SCN11A: variants seen among roughly 807,000 people sequenced by gnomAD.
SCN11A encodes sodium voltage-gated channel alpha subunit 11.
A neutral mutation model predicts 162.2 loss-of-function variants in SCN11A; 122 were observed. The observed-to-expected ratio is 0.75, with a 90% CI of 0.65 to 0.87. SCN11A has a LOEUF of 0.87. Ranked by LOEUF, SCN11A falls within the 40% of genes least tolerant of loss-of-function variation. The probability of loss-of-function intolerance (pLI) is 0.00; values close to 1 mark genes in which losing one functional copy is unlikely to be tolerated. For missense variants in SCN11A, 2,015 were observed against 2,181.6 expected (o/e 0.92, Z 1.52); for synonymous variants, 758 against 751.5 (o/e 1.01, Z -0.14).
At chr3:38,977,189 G>A (rs971404899) in intron 2 of SCN11A, among the ~76,000 whole-genome samples, 1 of 152,186 alleles carries the variant, frequency 6.6e-6, no homozygotes, top group Non-Finnish European at 1.5e-5. Flanking sequence ...AGGAGAAAGA[G>A]TGGGTTTCCA....
chr3:38,981,708 A>G (rs1312066295), intron 2 of SCN11A, among the ~76,000 whole-genome samples: 2 of 152,116 alleles, frequency 1.3e-5, no homozygotes, highest in African/African-American at 4.8e-5. Context: ...TTCCAGTTCA[A>G]AAAACATAAG....
At chr3:38,930,724 G>A (rs2066227086) in intron 7 of SCN11A, among the ~76,000 whole-genome samples, 1 of 152,164 alleles carries the variant, frequency 6.6e-6, no homozygotes, top group South Asian at 2.1e-4. Context: ...CTGATGTGGA[G>A]TAAAACCATG....
chr3:39,035,350 G>A (rs1414391167), intron 1 of SCN11A, among the ~76,000 whole-genome samples: 1 of 152,164 alleles, frequency 6.6e-6, no homozygotes, highest in Non-Finnish European at 1.5e-5. Flanking sequence ...CTGGGGAAAG[G>A]ACAGTCTCTT....
At chr3:38,937,545 A>AT (rs2066356080) in intron 7 of SCN11A, among the ~76,000 whole-genome samples, 2 of 151,788 alleles carry the variant, frequency 1.3e-5, no homozygotes, top group Admixed American at 1.3e-4. Flanking sequence ...AAACAACCCC[A>AT]TCAAAAAGTG....
chr3:38,864,262 GT>G (rs896567041), intron 27 of SCN11A, among the ~76,000 whole-genome samples: 11 of 152,130 alleles, frequency 7.2e-5, no homozygotes, highest in Non-Finnish European at 1.2e-4. Flanking sequence ...TTTGATGAGG[GT>G]TTGGGGTTTG....
chr3:38,999,140 C>A (rs1160772522), intron 2 of SCN11A, among the ~76,000 whole-genome samples: 1 of 152,034 alleles, frequency 6.6e-6, no homozygotes, highest in Non-Finnish European at 1.5e-5. Flanking sequence ...AAATGGGAAG[C>A]AACATTTTAC....
rs2032396113 is a variant in SCN11A at position 39,051,870 on chromosome 3, T to C, written c.-413A>G. The C allele has an allele frequency of 4.8e-6, 4 of 839,274 alleles. No individual in the cohort carries two copies. The highest frequency in any genetic ancestry group is 4.6e-5 in the Admixed American group (2 of 43,086). 52.0% of individuals were successfully genotyped at this position (839,274 alleles called of 1,614,324 possible). A position where few individuals can be genotyped will look rare whatever the true frequency, so the allele number is the denominator to read the frequency against. On this transcript the variant is annotated 5_prime_UTR_variant, in exon 1 of 30. An upstream start codon of the reference 5' UTR is lost. Transcript: ENST00000302328. The stretch of plus-strand genomic sequence containing the variant: ...TTTTAGGTGCATCTACCTCATCACA[T>C]GGCTACCGGCCACACAGCAACTAAC...
intron 22 of SCN11A, 59 bp from the exon 23 acceptor site, chr3:38,880,182 A>G (rs113641774): frequency 7.7e-7 from 1 of 1,290,468 alleles, no homozygotes; most frequent in Non-Finnish European, 1.1e-6. Flanking sequence ...ACTCCTTGGT[A>G]ACTTTACTTT....
In SCN11A at chr3:38,862,344, T is replaced by A. The variant is rs568375113; in HGVS notation, c.4056+851A>T. Reference sequence around the variant, plus strand: ...AACCAGTATGGAAATTCCTTAAAGATCCAAAAGTAGAACTACTATTGGATT... The same window carrying A: ...AACCAGTATGGAAATTCCTTAAAGAACCAAAAGTAGAACTACTATTGGATT... On this transcript the variant is annotated intron_variant, in intron 28 of 29. Coordinates refer to ENST00000302328, the MANE Select transcript of SCN11A (RefSeq NM_001349253.2). 8.5e-5 allele frequency among the ~76,000 whole-genome samples: 13 copies of A among 152,098 alleles called. 1 individual carries two copies. The South Asian group carries it at 2.7e-3, about 32-fold the overall frequency.
chr3:38,994,192 T>C (rs2030539397), intron 2 of SCN11A, among the ~76,000 whole-genome samples: 1 of 152,246 alleles, frequency 6.6e-6, no homozygotes. Flanking sequence ...CTCAGTGATA[T>C]ACTTTGATTG....
intron 2 of SCN11A, among the ~76,000 whole-genome samples, chr3:38,979,241 T>C (rs1307236997): frequency 6.6e-6 from 1 of 152,270 alleles, no homozygotes; most frequent in Non-Finnish European, 1.5e-5. Context: ...AGTGACTGAA[T>C]GGTTCCCAGA....
intron 9 of SCN11A, 111 bp downstream of exon 9, chr3:38,925,304 A>G (rs1308844750): frequency 1.4e-6 from 1 of 709,212 alleles, no homozygotes; most frequent in Non-Finnish European, 2.4e-6. Context: ...ATAAATTTGT[A>G]AAGCAGGCTT....
chr3:38,985,553 G>A (rs1211761527), intron 2 of SCN11A, among the ~76,000 whole-genome samples: 1 of 150,966 alleles, frequency 6.6e-6, no homozygotes, highest in Non-Finnish European at 1.5e-5. Context: ...TGGCAGTGAA[G>A]ATGGAGAAAG....
intron 9 of SCN11A, 124 bp downstream of exon 9, chr3:38,925,291 C>A: frequency 1.5e-6 from 1 of 668,960 alleles, no homozygotes; most frequent in South Asian, 1.9e-5. Context: ...GTTGGACCAT[C>A]AAATAAATTT....
intron 1 of SCN11A, among the ~76,000 whole-genome samples, chr3:39,044,843 C>T (rs532129724): frequency 3.3e-5 from 5 of 151,352 alleles, no homozygotes; most frequent in South Asian, 2.1e-4. Flanking sequence ...ATAATGAAAT[C>T]GAGACAAAAA....
intron 3 of SCN11A, among the ~76,000 whole-genome samples, chr3:38,958,519 T>C (rs1233944463): frequency 2.0e-5 from 3 of 152,228 alleles, no homozygotes; most frequent in African/African-American, 7.2e-5. Context: ...GAGCTTGCCA[T>C]CTGTTTCCTG....
intron 4 of SCN11A, among the ~76,000 whole-genome samples, 74 bp downstream of exon 4, chr3:38,953,555 A>G (rs145975229): frequency 2.6e-5 from 4 of 152,318 alleles, no homozygotes; most frequent in Admixed American, 2.6e-4. Context: ...AATGACATGC[A>G]TGGATTTGAG....
intron 2 of SCN11A, among the ~76,000 whole-genome samples, chr3:38,997,226 C>G: frequency 6.6e-6 from 1 of 152,190 alleles, no homozygotes; most frequent in East Asian, 1.9e-4. Flanking sequence ...AATCTCTGAC[C>G]TTGCTTTTGG....
chr3:38,900,790 G>A (rs1477793723), intron 16 of SCN11A, among the ~76,000 whole-genome samples: 1 of 152,012 alleles, frequency 6.6e-6, no homozygotes, highest in Admixed American at 6.6e-5. Flanking sequence ...AAAAAGGAGA[G>A]GCAGGAATTA....
Sources: allele counts gnomAD v4.1 joint callset (sites outside exome capture counted in the v4.1 genomes callset), GRCh38; gene constraint gnomAD v4.1.1; transcripts MANE v1.5; gene names NCBI Gene and HGNC (gene_info 2026-07-23, HGNC 2026-07-21).